The following AGMO variants were observed in gnomAD, a reference collection of about 807,000 sequenced individuals.
AGMO encodes alkylglycerol monooxygenase.
Under a neutral mutation model 60.2 loss-of-function variants are expected in AGMO, and 75 were observed. The ratio of observed to expected loss-of-function variants is 1.25; its 90% confidence interval spans 1.03 to 1.51. The LOEUF is 1.51. AGMO is among the 40% of genes most tolerant of loss of function. AGMO has a pLI of 0.00. For missense variants in AGMO, 763 were observed against 525.5 expected (o/e 1.45, Z -4.42); for synonymous variants, 261 against 177.1 (o/e 1.47, Z -3.76).
the AGMO span, among the ~76,000 whole-genome samples, chr7:15,119,975 G>C: frequency 7.0e-6 from 1 of 143,404 alleles, no homozygotes; most frequent in South Asian, 2.2e-4. Flanking sequence ...CTTCTGCACT[G>C]GTTCCTCTCC....
intron 12 of AGMO, among the ~76,000 whole-genome samples, chr7:15,229,785 T>C (rs904285711): frequency 7.4e-5 from 11 of 148,600 alleles, no homozygotes; most frequent in African/African-American, 2.7e-4. Flanking sequence ...TAGATCAAAG[T>C]ATTTGTGTGC....
intron 3 of AGMO, among the ~76,000 whole-genome samples, chr7:15,504,407 C>T (rs986651105): frequency 6.6e-6 from 1 of 151,912 alleles, no homozygotes; most frequent in African/African-American, 2.4e-5. Context: ...AAGAAGCAAG[C>T]CTTTAATCTG....
chr7:15,357,172 C>T (rs1355260894), intron 12 of AGMO, among the ~76,000 whole-genome samples: 1 of 143,686 alleles, frequency 7.0e-6, no homozygotes, highest in Non-Finnish European at 1.5e-5. Context: ...GTCAAAATTG[C>T]TCTATACTAT....
At chr7:15,354,242 A>G (rs1222499542) in intron 12 of AGMO, among the ~76,000 whole-genome samples, 1 of 150,730 alleles carries the variant, frequency 6.6e-6, no homozygotes, top group African/African-American at 2.4e-5. Flanking sequence ...ATGTACCATT[A>G]CAGAACAGTA....
At chr7:15,407,306 A>C (rs888187433) in intron 5 of AGMO, among the ~76,000 whole-genome samples, 3 of 148,262 alleles carry the variant, frequency 2.0e-5, no homozygotes, top group African/African-American at 7.3e-5. Flanking sequence ...AAATGCATAC[A>C]TGAATAAGCA....
intron 12 of AGMO, among the ~76,000 whole-genome samples, chr7:15,244,591 CT>C (rs1782686408): frequency 6.6e-6 from 1 of 152,094 alleles, no homozygotes; most frequent in African/African-American, 2.4e-5. Flanking sequence ...ACCAGTACTT[CT>C]TTTCTGACTT....
intron 12 of AGMO, among the ~76,000 whole-genome samples, chr7:15,347,652 T>G (rs930408478): frequency 5.9e-5 from 9 of 152,068 alleles, no homozygotes; most frequent in African/African-American, 2.2e-4. Flanking sequence ...GATCTTTGAA[T>G]TTTTCAAGAG....
At chr7:15,522,830 G>A (rs1336706725) in intron 3 of AGMO, among the ~76,000 whole-genome samples, 1 of 152,064 alleles carries the variant, frequency 6.6e-6, no homozygotes, top group Non-Finnish European at 1.5e-5. Context: ...TGCAAAAAAA[G>A]CCAAAATTGA....
chr7:15,295,911 C>T (rs1039935608), intron 12 of AGMO, among the ~76,000 whole-genome samples: 1 of 152,068 alleles, frequency 6.6e-6, no homozygotes, highest in Admixed American at 6.6e-5. Flanking sequence ...CAATGTTATC[C>T]TTATACACAT....
At chr7:15,302,699 G>A (rs1358624828) in intron 12 of AGMO, among the ~76,000 whole-genome samples, 7 of 152,094 alleles carry the variant, frequency 4.6e-5, no homozygotes. Flanking sequence ...TCACTAGACT[G>A]TAAACTCCAT....
In AGMO at chr7:15,544,883, T is replaced by C; in HGVS notation, c.298A>G (p.Ile100Val). Residue 100 changes from isoleucine (I) to valine (V), a missense_variant, in exon 3 of 13, where the codon ATC becomes GTC. Transcript: ENST00000342526. ...RSIELTSYIY[I>V]WENYRLFNLP... is the part of the protein sequence containing the mutation. The stretch of plus-strand genomic sequence containing the variant: ...TTGAACAGCCTGTAGTTCTCCCAGA[T>C]ATAAATATAACTGGTCAGTTCAATG... The C allele has an allele frequency of 6.3e-7, 1 of 1,597,296 alleles. No homozygotes were observed. The highest frequency in any genetic ancestry group is 1.1e-5 in the South Asian group (1 of 88,704).
chr7:15,496,963 T>C (rs747433332), intron 3 of AGMO, among the ~76,000 whole-genome samples: 2 of 152,138 alleles, frequency 1.3e-5, no homozygotes, highest in East Asian at 3.9e-4. Context: ...TTCTCTACTA[T>C]CCAATCTTGT....
the AGMO span, among the ~76,000 whole-genome samples, chr7:15,153,514 T>C: frequency 8.5e-5 from 13 of 152,312 alleles, no homozygotes; most frequent in Middle Eastern, 3.4e-3. Flanking sequence ...GAGTTGATTT[T>C]TGTATAAGGT....
chr7:15,469,160 T>G lies in AGMO; in HGVS notation c.410-38052A>C, dbSNP rs146054256. ...ACCACAATTTAAAATTATAGCAATC[T>G]AGACCAATCTCACATGTGCTTTAGA... On this transcript the variant is annotated intron_variant, in intron 3 of 12. Coordinates refer to ENST00000342526, the MANE Select transcript of AGMO (RefSeq NM_001004320.2). Among the ~76,000 whole-genome samples, 19 of 152,244 alleles carry G rather than the reference T, an allele frequency of 1.2e-4. No individual in the cohort carries two copies. The East Asian group carries it at 3.7e-3, about 29-fold the overall frequency.
intron 5 of AGMO, among the ~76,000 whole-genome samples, chr7:15,405,993 G>T (rs865974489): frequency 6.6e-6 from 1 of 151,710 alleles, no homozygotes; most frequent in Non-Finnish European, 1.5e-5. Context: ...TTGTGTCTAA[G>T]AGCTTAAATT....
intron 3 of AGMO, among the ~76,000 whole-genome samples, chr7:15,443,053 G>A (rs1466410219): frequency 4.6e-5 from 7 of 152,150 alleles, no homozygotes; most frequent in Non-Finnish European, 7.3e-5. Flanking sequence ...CTCTGGCTTC[G>A]CCATCTGCTG....
chr7:15,123,231 A>G, the AGMO span, among the ~76,000 whole-genome samples: 10 of 152,214 alleles, frequency 6.6e-5, no homozygotes, highest in African/African-American at 2.4e-4. Flanking sequence ...TAAATTCAAC[A>G]GCTCACCCCT....
intron 3 of AGMO, among the ~76,000 whole-genome samples, chr7:15,458,064 T>C (rs1368313391): frequency 6.6e-6 from 1 of 152,192 alleles, no homozygotes; most frequent in Non-Finnish European, 1.5e-5. Flanking sequence ...TCACTTGATT[T>C]ACCAAAGTAG....
intron 12 of AGMO, chr7:15,358,173 G>C (rs894387183): frequency 1.1e-5 from 2 of 187,444 alleles, no homozygotes; most frequent in Non-Finnish European, 2.3e-5. Context: ...ATTACAACGT[G>C]TTCTTCTGAA....
Sources: gnomAD v4.1 joint callset for allele counts (sites outside exome capture counted in the v4.1 genomes callset) on GRCh38, gnomAD v4.1.1 for gene constraint, MANE v1.5 for transcripts, NCBI Gene and HGNC (gene_info 2026-07-23, HGNC 2026-07-21) for gene names.